RAI14: variants seen among roughly 807,000 people sequenced by gnomAD.
RAI14 encodes the protein ankycorbin.
RAI14 carries 45 observed loss-of-function variants against 115.4 expected under a neutral mutation model. The observed-to-expected ratio is 0.39, with a 90% CI of 0.31 to 0.50. The LOEUF is 0.50. Among genes scored for constraint, RAI14 ranks in the 20% least tolerant of loss-of-function variants. The probability of loss-of-function intolerance (pLI) is 0.85; values close to 1 mark genes in which losing one functional copy is unlikely to be tolerated. For synonymous variants in RAI14, 371 were observed against 415.4 expected, an observed-to-expected ratio of 0.89 and a Z score of 1.30; for missense variants, 939 against 1,131.2, an observed-to-expected ratio of 0.83 and a Z score of 2.44.
At position 34,825,103 on chromosome 5, in the gene RAI14, C is replaced by G. The variant is rs145429630; in HGVS notation, c.2649+612C>G. Among the ~76,000 whole-genome samples, 85 of 152,078 alleles carry G rather than the reference C, an allele frequency of 5.6e-4. 1 individual carries two copies. Among genetic ancestry groups the G allele is most frequent in the African/African-American group, 2.0e-3 (82 of 41,486 alleles). On this transcript the variant is annotated intron_variant, in intron 15 of 17. Transcript: ENST00000265109. ...CAGCCTCAGCAATATAGTGAGACCC[C>G]ATCTGTACAAAAAATTTAAAAATTA...
chr5:34,739,548 A>G (rs1179109514), intron 2 of RAI14, among the ~76,000 whole-genome samples: 1 of 152,328 alleles, frequency 6.6e-6, no homozygotes, highest in South Asian at 2.1e-4. Flanking sequence ...AATAGTTGCA[A>G]TGGAGACATA....
rs895893293 is a variant in RAI14, at chr5:34,792,473, A to T, written c.168-3466A>T. On this transcript the variant is annotated intron_variant, in intron 3 of 17. Transcript: ENST00000265109. ...ATGGTCTCGATCTCCTGACCTCGTG[A>T]TCCGCCCACCTCGGCCTCCCAAAGT... is the stretch of plus-strand genomic sequence containing the variant. Among the ~76,000 whole-genome samples the T allele has an allele frequency of 3.3e-5, 5 of 151,934 alleles. No homozygotes were observed. The South Asian group carries it at 6.2e-4, about 19-fold the overall frequency.
In RAI14 at chr5:34,827,547, C is replaced by T. The variant is rs1757574213; in HGVS notation, c.2799+1068C>T. ...GATTTGATGATTTCTTCGGAATAGACCTAACTGTAGTGAATTCAGGTTTCT... is the reference window on the plus strand; with the variant it reads ...GATTTGATGATTTCTTCGGAATAGATCTAACTGTAGTGAATTCAGGTTTCT... On this transcript the variant is annotated intron_variant, in intron 16 of 17. Coordinates refer to ENST00000265109, the MANE Select transcript of RAI14 (RefSeq NM_015577.3). The surrounding 1 kb of genome is among the most constrained non-coding windows in gnomAD (Gnocchi z 4.2). Among the ~76,000 whole-genome samples, 1 of 152,130 alleles carries T rather than the reference C, an allele frequency of 6.6e-6. No homozygotes were observed. Among genetic ancestry groups the T allele is most frequent in the Admixed American group, 6.5e-5 (1 of 15,270 alleles).
At position 34,679,087 on chromosome 5, in the gene RAI14, C is replaced by A. The variant is rs151149882; in HGVS notation, c.-48-7785C>A. On this transcript the variant is annotated intron_variant, in intron 1 of 17. Coordinates refer to ENST00000265109, the MANE Select transcript of RAI14 (RefSeq NM_015577.3). ...TTTCAGGTGTGGATCAGACACCCGTCCAACCTCTTCAGCCCTGTAAGCCTC... is the reference window on the plus strand; with the variant it reads ...TTTCAGGTGTGGATCAGACACCCGTACAACCTCTTCAGCCCTGTAAGCCTC... Among the ~76,000 whole-genome samples the A allele has an allele frequency of 4.4e-3, 674 of 152,308 alleles. 9 individuals carry two copies. Among genetic ancestry groups the A allele is most frequent in the African/African-American group, 0.015 (642 of 41,562 alleles).
chr5:34,789,467 C>T (rs773719177), intron 3 of RAI14, among the ~76,000 whole-genome samples: 146 of 152,298 alleles, frequency 9.6e-4, no homozygotes, highest in Non-Finnish European at 1.8e-3. Context: ...GGTGCCAAAA[C>T]GTTAGCTGCT....
intron 3 of RAI14, among the ~76,000 whole-genome samples, chr5:34,776,380 A>G (rs933714647): frequency 3.3e-5 from 5 of 152,206 alleles, no homozygotes; most frequent in African/African-American, 1.2e-4. Context: ...ATAGTCAACA[A>G]TAATTATTAT....
chr5:34,820,849 G>A (rs1274569219), intron 13 of RAI14, among the ~76,000 whole-genome samples: 1 of 152,152 alleles, frequency 6.6e-6, no homozygotes, highest in Non-Finnish European at 1.5e-5. Context: ...TTACCAACAG[G>A]GATTACTGTG....
chr5:34,788,344 C>T (rs1290585026), intron 3 of RAI14, among the ~76,000 whole-genome samples: 3 of 152,122 alleles, frequency 2.0e-5, no homozygotes, highest in African/African-American at 7.2e-5. Context: ...TCCCTCCTCT[C>T]CTTCTTCCCT....
chr5:34,657,740 C>T (rs1742391857), intron 1 of RAI14, among the ~76,000 whole-genome samples: 1 of 152,202 alleles, frequency 6.6e-6, no homozygotes, highest in East Asian at 1.9e-4. Context: ...GAGGAACTGT[C>T]CATCACTAGG....
intron 2 of RAI14, among the ~76,000 whole-genome samples, chr5:34,735,112 G>A (rs1235452012): frequency 2.6e-5 from 4 of 152,226 alleles, no homozygotes; most frequent in Admixed American, 2.6e-4. Context: ...TTATTGATAG[G>A]AAGAAAGTTC....
At chr5:34,687,329 G>A (rs144943591) in intron 2 of RAI14, among the ~76,000 whole-genome samples, 3 of 152,208 alleles carry the variant, frequency 2.0e-5, no homozygotes, top group African/African-American at 7.2e-5. Flanking sequence ...CATGCGGGTG[G>A]TTTAGGAATG....
intron 16 of RAI14, among the ~76,000 whole-genome samples, chr5:34,828,612 A>G (rs781484119): frequency 6.6e-5 from 10 of 152,176 alleles, no homozygotes; most frequent in Non-Finnish European, 1.3e-4. Context: ...AATGGGTATT[A>G]TGGACTTTTG....
chr5:34,693,839 A>T (rs1389696679), intron 2 of RAI14, among the ~76,000 whole-genome samples: 5 of 152,226 alleles, frequency 3.3e-5, no homozygotes, highest in Non-Finnish European at 7.3e-5. Flanking sequence ...GTGATTTTAC[A>T]TCACCACAAG....
chr5:34,747,271 C>G (rs1032996848), intron 2 of RAI14, among the ~76,000 whole-genome samples: 1 of 152,118 alleles, frequency 6.6e-6, no homozygotes, highest in African/African-American at 2.4e-5. Flanking sequence ...TAGTACCTAC[C>G]TCATAGGGTT....
intron 2 of RAI14, among the ~76,000 whole-genome samples, chr5:34,740,116 G>A (rs1411747125): frequency 2.0e-5 from 3 of 152,150 alleles, no homozygotes; most frequent in African/African-American, 4.8e-5. Context: ...ACACTACTAG[G>A]TATACACCAA....
intron 1 of RAI14, among the ~76,000 whole-genome samples, chr5:34,675,406 C>T (rs1046684012): frequency 4.6e-5 from 7 of 152,304 alleles, no homozygotes; most frequent in Admixed American, 2.0e-4. Context: ...CCCTGGACAA[C>T]CACCAATCTA....
rs924888073 is a variant in RAI14 at position 34,830,772 on chromosome 5, T to G, written c.*7T>G. 6.2e-7 allele frequency: 1 copy of G among 1,614,022 alleles called. No individual in the cohort carries two copies. Among genetic ancestry groups the G allele is most frequent in the East Asian group, 2.2e-5 (1 of 44,878 alleles). Reference sequence around the variant, plus strand: ...CCAGTCTCAAAAGAAGTAAAGTGGATTCCTTGGCAGGACACTGCCCCTTGT... The same window carrying G: ...CCAGTCTCAAAAGAAGTAAAGTGGAGTCCTTGGCAGGACACTGCCCCTTGT... On this transcript the variant is annotated 3_prime_UTR_variant, in exon 18 of 18. Coordinates refer to ENST00000265109, the MANE Select transcript of RAI14 (RefSeq NM_015577.3).
intron 3 of RAI14, among the ~76,000 whole-genome samples, chr5:34,762,915 T>A (rs917834805): frequency 1.3e-5 from 2 of 150,904 alleles, no homozygotes; most frequent in African/African-American, 4.9e-5. Flanking sequence ...TGTGTAGATA[T>A]AAGGAGTGTG....
rs1466830723 is a variant in RAI14 at position 34,743,858 on chromosome 5, G to GGC, written c.37-13610_37-13609insGC. On this transcript the variant is annotated intron_variant, in intron 2 of 17. Transcript: ENST00000265109. ...AGCACTCACGTAGAATTTATAACTTGAAGGACTGTTTCCATGGCATGTGAA... is the reference window on the plus strand; with the variant it reads ...AGCACTCACGTAGAATTTATAACTTGGCAAGGACTGTTTCCATGGCATGTGAA... Among the ~76,000 whole-genome samples the GGC allele has an allele frequency of 7.2e-5, 11 of 152,302 alleles. No individual in the cohort carries two copies. In the South Asian group the frequency reaches 2.3e-3, roughly 32 times the overall value.
Sources: allele counts gnomAD v4.1 joint callset (sites outside exome capture counted in the v4.1 genomes callset), GRCh38; gene constraint gnomAD v4.1.1; non-coding constraint Gnocchi (gnomAD v3.1); transcripts MANE v1.5; gene names NCBI Gene and HGNC (gene_info 2026-07-23, HGNC 2026-07-21).